CPLANE1: variants seen among roughly 807,000 people sequenced by gnomAD.
The protein encoded by CPLANE1 is ciliogenesis and planar polarity effector complex subunit 1.
CPLANE1 carries 263 observed loss-of-function variants against 362.5 expected under a neutral mutation model. The ratio of observed to expected loss-of-function variants is 0.73; its 90% confidence interval spans 0.66 to 0.80. The LOEUF (loss-of-function observed/expected upper bound fraction) is 0.80. Among genes scored for constraint, CPLANE1 ranks in the 30% least tolerant of loss-of-function variants. The pLI, the probability that CPLANE1 is intolerant of heterozygous loss-of-function variation, is 0.00. For missense variants in CPLANE1, 3,461 were observed against 3,793.4 expected (o/e 0.91, Z 2.30); for synonymous variants, 1,212 against 1,302.6 (o/e 0.93, Z 1.50).
At chr5:37,198,431 G>A (rs1400996024) in intron 20 of CPLANE1, among the ~76,000 whole-genome samples, 1 of 149,496 alleles carries the variant, frequency 6.7e-6, no homozygotes, top group East Asian at 1.9e-4. Context: ...TGACAGGGGA[G>A]TTGGAAAAAA....
rs922940146 is a variant in CPLANE1 at position 37,139,211 on chromosome 5, A to C, written c.8663+129T>G. 6.6e-6 allele frequency: 6 copies of C among 903,914 alleles called. No individual in the cohort carries two copies. In the African/African-American group the frequency reaches 8.9e-5, roughly 13 times the overall value. The allele number at this position is 903,914 out of a possible 1,614,324, so 56.0% of individuals were successfully genotyped here. On this transcript the variant is annotated intron_variant, in intron 45 of 52. Transcript: ENST00000651892. ...ATTTCTTAAAAATATTCCATACCCA[A>C]TGAAAACTTATATTCCTTTAAACCA...
At position 37,175,762 on chromosome 5, in the gene CPLANE1, T is replaced by C. The variant is rs1416798894; in HGVS notation, c.5978+147A>G. 4 of 613,234 alleles carry C rather than the reference T, an allele frequency of 6.5e-6. No individual in the cohort carries two copies. In the Admixed American group the frequency reaches 1.2e-4, roughly 18 times the overall value. The allele number at this position is 613,234 out of a possible 1,614,324, so 38.0% of individuals were successfully genotyped here. A position where few individuals can be genotyped will look rare whatever the true frequency, so the allele number is the denominator to read the frequency against. On this transcript the variant is annotated intron_variant, in intron 31 of 52. Transcript: ENST00000651892. ...TCAGATCTGTGTGCTTATGCTGCTC[T>C]TTCAATGTTTTATGTTGCTTTCATT... is the stretch of plus-strand genomic sequence containing the variant.
intron 1 of CPLANE1, among the ~76,000 whole-genome samples, chr5:37,248,878 A>C (rs1276530270): frequency 6.6e-6 from 1 of 152,244 alleles, no homozygotes; most frequent in Non-Finnish European, 1.5e-5. Context: ...AAAATTGCTA[A>C]GAGCGAGGAA....
intron 42 of CPLANE1, among the ~76,000 whole-genome samples, chr5:37,151,198 C>A (rs1410326047): frequency 6.6e-6 from 1 of 152,188 alleles, no homozygotes; most frequent in African/African-American, 2.4e-5. Flanking sequence ...TCATACAGCT[C>A]CCCAAACACT....
At chr5:37,187,327 G>C in intron 23 of CPLANE1, 87 bp downstream of exon 23, 1 of 1,107,656 alleles carries the variant, frequency 9.0e-7, no homozygotes, top group Non-Finnish European at 1.3e-6. Flanking sequence ...CCAAAGAAAG[G>C]CAACATCATC....
chr5:37,075,875 T>TGTCA, the CPLANE1 span, among the ~76,000 whole-genome samples: 1 of 152,152 alleles, frequency 6.6e-6, no homozygotes, highest in Non-Finnish European at 1.5e-5. Flanking sequence ...ACCCCTCACT[T>TGTCA]GTCAAGCCTC....
At chr5:37,140,499 C>A in intron 44 of CPLANE1, 1 of 983,912 alleles carries the variant, frequency 1.0e-6, no homozygotes, top group Non-Finnish European at 1.2e-6. Context: ...AATAGTTCTA[C>A]CCCTTATAGC....
At chr5:37,128,107 T>C (rs1022110179) in intron 46 of CPLANE1, among the ~76,000 whole-genome samples, 1 of 152,170 alleles carries the variant, frequency 6.6e-6, no homozygotes, top group Non-Finnish European at 1.5e-5. Context: ...ATTAACAGAA[T>C]ACAGGATTTA....
intron 26 of CPLANE1, among the ~76,000 whole-genome samples, chr5:37,182,158 A>G (rs1427501078): frequency 6.6e-6 from 1 of 152,104 alleles, no homozygotes; most frequent in African/African-American, 2.4e-5. Context: ...TAAGTAAAAA[A>G]TAAAACAAAT....
At chr5:37,232,168 C>T (rs934600789) in intron 8 of CPLANE1, among the ~76,000 whole-genome samples, 7 of 152,274 alleles carry the variant, frequency 4.6e-5, no homozygotes, top group Non-Finnish European at 8.8e-5. Context: ...CCCAAATCAA[C>T]ACTTATGTTA....
chr5:37,109,016 A>G (rs973148649), intron 51 of CPLANE1, among the ~76,000 whole-genome samples: 87 of 152,322 alleles, frequency 5.7e-4, no homozygotes, highest in Non-Finnish European at 8.8e-5. Context: ...CAGCTTAGTA[A>G]ACCCACAAAC....
Position 37,206,441 on chromosome 5 carries a change from T to A in CPLANE1, c.2921-16A>T, listed in dbSNP as rs565363722. 86 of 1,457,574 alleles carry A rather than the reference T, an allele frequency of 5.9e-5. No individual in the cohort carries two copies. In the Middle Eastern group the frequency reaches 7.0e-4, roughly 12 times the overall value. 90.3% of individuals were successfully genotyped at this position (1,457,574 alleles called of 1,614,324 possible). On this transcript the variant is annotated splice_polypyrimidine_tract_variant and intron_variant, in intron 16 of 52. Coordinates refer to ENST00000651892, the MANE Select transcript of CPLANE1 (RefSeq NM_001384732.1). The stretch of plus-strand genomic sequence containing the variant: ...AAGGACTGCTCTGTGAGTAAATTTT[T>A]AAAAATGGATTATTACAATCACATC...
At chr5:37,128,916 T>C (rs905112583) in intron 46 of CPLANE1, among the ~76,000 whole-genome samples, 2 of 149,348 alleles carry the variant, frequency 1.3e-5, no homozygotes, top group Non-Finnish European at 3.0e-5. Flanking sequence ...AATCCTAAAA[T>C]TCATATGGAA....
At chr5:37,110,803 C>CTTTT (rs529885756) in intron 51 of CPLANE1, among the ~76,000 whole-genome samples, 18 of 125,022 alleles carry the variant, frequency 1.4e-4, no homozygotes, top group Admixed American at 2.7e-4. Context: ...AATGTATTAA[C>CTTTT]TTTTTTTTTT....
intron 42 of CPLANE1, among the ~76,000 whole-genome samples, chr5:37,151,979 A>C (rs1561417544): frequency 1.3e-5 from 2 of 152,210 alleles, no homozygotes; most frequent in South Asian, 4.1e-4. Flanking sequence ...ATAACCTTTC[A>C]GTATAGTTTC....
At chr5:37,147,463 T>G (rs909845233) in intron 43 of CPLANE1, among the ~76,000 whole-genome samples, 1 of 152,210 alleles carries the variant, frequency 6.6e-6, no homozygotes, top group Non-Finnish European at 1.5e-5. Context: ...CAGATGATGA[T>G]GAGTATCAAC....
the CPLANE1 span, among the ~76,000 whole-genome samples, chr5:37,100,658 A>G: frequency 1.3e-5 from 2 of 152,134 alleles, no homozygotes; most frequent in African/African-American, 4.8e-5. Context: ...AAGAATGTCA[A>G]TGGTAGTTTA....
At chr5:37,155,480 T>G (rs911630216) in intron 41 of CPLANE1, among the ~76,000 whole-genome samples, 1 of 152,162 alleles carries the variant, frequency 6.6e-6, no homozygotes, top group Non-Finnish European at 1.5e-5. Context: ...ACTCAAGCAA[T>G]CCTCCCGCCT....
chr5:37,183,158 T>C lies in CPLANE1; in HGVS notation c.5023A>G (p.Ser1675Gly). 1 of 1,612,294 alleles carries C rather than the reference T, an allele frequency of 6.2e-7. No individual in the cohort carries two copies. The highest frequency in any genetic ancestry group is 8.5e-7 in the Non-Finnish European group (1 of 1,179,282). The part of the protein sequence containing the change: ...SNEVNKNEGM[S>G]GLFGLKQRSI... ...CTTTGTTTTAAACCAAATAATCCAC[T>C]CATTCCTTCATTCTTATTGACTTCA... is the stretch of plus-strand genomic sequence containing the variant. The change falls in exon 26 of 53, where the codon AGT (serine) becomes GGT (glycine). Residue 1675 changes from serine to glycine, a missense_variant. Ser to Gly is a moderately conservative substitution (Grantham distance 56, BLOSUM62 0). Coordinates refer to ENST00000651892, the MANE Select transcript of CPLANE1 (RefSeq NM_001384732.1).
Sources: allele counts gnomAD v4.1 joint callset (sites outside exome capture counted in the v4.1 genomes callset), GRCh38; gene constraint gnomAD v4.1.1; transcripts MANE v1.5; gene names NCBI Gene and HGNC (gene_info 2026-07-23, HGNC 2026-07-21).